ANO2: variants seen among roughly 807,000 people sequenced by gnomAD.
ANO2 encodes the protein anoctamin-2.
In ANO2, 101 loss-of-function variants were observed where a neutral mutation model predicts 124.2. The observed-to-expected ratio is 0.81, with a 90% confidence interval of 0.69 to 0.96. The LOEUF is 0.96. Among genes scored for constraint, ANO2 ranks in the 40% least tolerant of loss-of-function variants. The probability of loss-of-function intolerance (pLI) is 0.00; values close to 1 mark genes in which losing one functional copy is unlikely to be tolerated. For synonymous variants in ANO2, 486 were observed against 482.5 expected (o/e 1.01, Z -0.09); for missense variants, 1,293 against 1,274.5 (o/e 1.01, Z -0.22).
At chr12:5,875,170 A>G (rs1445464648) in intron 3 of ANO2, among the ~76,000 whole-genome samples, 1 of 152,184 alleles carries the variant, frequency 6.6e-6, no homozygotes, top group African/African-American at 2.4e-5. Context: ...AGTGTCTGAT[A>G]CTGTGCCTTA....
At chr12:5,825,555 CACA>C (rs199687283) in intron 7 of ANO2, among the ~76,000 whole-genome samples, 6,500 of 152,152 alleles carry the variant, frequency 0.043, 305 homozygotes, top group African/African-American at 0.12. Flanking sequence ...CACCAGGAGA[CACA>C]ACAACAATTC....
At chr12:5,911,626 T>C (rs959749873) in intron 3 of ANO2, among the ~76,000 whole-genome samples, 1 of 152,164 alleles carries the variant, frequency 6.6e-6, no homozygotes, top group Non-Finnish European at 1.5e-5. Context: ...GAACACCAAG[T>C]ACAGTCGTAC....
intron 4 of ANO2, among the ~76,000 whole-genome samples, chr12:5,840,472 A>T (rs549444488): frequency 6.6e-6 from 1 of 152,220 alleles, no homozygotes; most frequent in Admixed American, 6.5e-5. Context: ...CATATATTGG[A>T]CAGTATACAA....
Position 5,854,027 on chromosome 12 carries a change from A to T in ANO2, c.633+16T>A, listed in dbSNP as rs1261066660. On this transcript the variant is annotated intron_variant, in intron 4 of 24. Transcript: ENST00000682330. ...GCCCTCAGGAGGCCCAGAACCCAGG[A>T]GAAACATGCTCATACTTTCTTGGTA... is the stretch of plus-strand genomic sequence containing the variant. The T allele has an allele frequency of 6.2e-7, 1 of 1,610,168 alleles. No homozygotes were observed.
Position 5,576,143 on chromosome 12 carries a change from C to G in ANO2, c.2440-128G>C, listed in dbSNP as rs150991408. 8.3e-4 allele frequency: 785 copies of G among 943,178 alleles called. 11 individuals carry two copies. The African/African-American group carries it at 0.012, about 15-fold the overall frequency. The allele number at this position is 943,178 out of a possible 1,614,324, so 58.4% of individuals were successfully genotyped here. ...AAGCTCATGCAGCATGATCAGGTCC[C>G]TGAGCTCATGCAGCTGAGTCACATG... On this transcript the variant is annotated intron_variant, in intron 22 of 24. Transcript: ENST00000682330.
chr12:5,807,440 T>C, intron 7 of ANO2, 72 bp from the exon 8 acceptor site: 2 of 1,353,590 alleles, frequency 1.5e-6, no homozygotes, highest in Admixed American at 2.1e-5. Context: ...TGTTTTTTGA[T>C]AAATAAGCTT....
chr12:5,567,458 C>A (rs1941835553), intron 23 of ANO2, among the ~76,000 whole-genome samples: 1 of 152,210 alleles, frequency 6.6e-6, no homozygotes, highest in African/African-American at 2.4e-5. Context: ...CTAGAGACCT[C>A]CAGAGAAGGG....
At chr12:5,745,470 T>C (rs975401686) in intron 11 of ANO2, among the ~76,000 whole-genome samples, 2 of 152,220 alleles carry the variant, frequency 1.3e-5, no homozygotes, top group Non-Finnish European at 2.9e-5. Context: ...CTAGAGAGCA[T>C]GGCTCACAAG....
At chr12:5,919,532 T>C (rs61908419) in intron 3 of ANO2, among the ~76,000 whole-genome samples, 219 of 73,656 alleles carry the variant, frequency 3.0e-3, no homozygotes, top group South Asian at 5.7e-3. Flanking sequence ...GAGAGGGCAA[T>C]AGCACAAAGA....
intron 3 of ANO2, among the ~76,000 whole-genome samples, chr12:5,859,710 C>A (rs1165193609): frequency 6.6e-6 from 1 of 152,034 alleles, no homozygotes; most frequent in East Asian, 1.9e-4. Flanking sequence ...TTTTTAAATA[C>A]TTTTTTAAAG....
chr12:5,608,681 T>C (rs1490982015), intron 19 of ANO2: 1 of 152,202 alleles, frequency 6.6e-6, no homozygotes, highest in Non-Finnish European at 1.5e-5. Context: ...GGTGGCATAT[T>C]TTAAAACATA....
At chr12:5,664,270 T>C (rs1347399059) in intron 14 of ANO2, among the ~76,000 whole-genome samples, 1 of 152,034 alleles carries the variant, frequency 6.6e-6, no homozygotes, top group African/African-American at 2.4e-5. Flanking sequence ...CACCCACCCA[T>C]CTACCTATCC....
chr12:5,695,940 A>G (rs1370230994), intron 14 of ANO2, among the ~76,000 whole-genome samples: 1 of 152,194 alleles, frequency 6.6e-6, no homozygotes, highest in Non-Finnish European at 1.5e-5. Context: ...TATTTTGCTC[A>G]CTGATGAATC....
At chr12:5,604,243 C>T (rs1313316313) in intron 19 of ANO2, among the ~76,000 whole-genome samples, 1 of 151,990 alleles carries the variant, frequency 6.6e-6, no homozygotes, top group African/African-American at 2.4e-5. Flanking sequence ...CCGATGGCTA[C>T]GATAGAGAAT....
At chr12:5,917,107 A>G (rs781024839) in intron 3 of ANO2, among the ~76,000 whole-genome samples, 23 of 152,132 alleles carry the variant, frequency 1.5e-4, no homozygotes, top group Admixed American at 2.6e-4. Context: ...GTTATACAAC[A>G]GGAACAACAA....
chr12:5,826,388 TG>T (rs1458973022), intron 7 of ANO2, among the ~76,000 whole-genome samples: 1 of 149,226 alleles, frequency 6.7e-6, no homozygotes, highest in African/African-American at 2.5e-5. Flanking sequence ...GAGAGGGTGT[TG>T]CCAAAGGAGA....
At chr12:5,731,173 A>G (rs1020268985) in intron 14 of ANO2, among the ~76,000 whole-genome samples, 1 of 152,242 alleles carries the variant, frequency 6.6e-6, no homozygotes, top group Non-Finnish European at 1.5e-5. Context: ...AGAAGTTTGC[A>G]CGGCGTTGCC....
chr12:5,923,081 TACAC>T (rs58095934), intron 1 of ANO2, among the ~76,000 whole-genome samples: 2,472 of 21,390 alleles, frequency 0.12, 330 homozygotes, highest in East Asian at 0.16. Context: ...CATGCACACA[TACAC>T]ACACACACGC....
intron 23 of ANO2, among the ~76,000 whole-genome samples, chr12:5,569,861 G>A (rs573572009): frequency 6.6e-6 from 1 of 152,320 alleles, no homozygotes; most frequent in Admixed American, 6.5e-5. Context: ...GGATAGAACA[G>A]CTGGGGTGGG....
Sources: allele counts gnomAD v4.1 joint callset (sites outside exome capture counted in the v4.1 genomes callset), GRCh38; gene constraint gnomAD v4.1.1; transcripts MANE v1.5; gene names NCBI Gene and HGNC (gene_info 2026-07-23, HGNC 2026-07-21).